PRH1: variants seen among roughly 807,000 people sequenced by gnomAD.
PRH1 encodes the protein salivary acidic proline-rich phosphoprotein 1/2.
In PRH1, 7 loss-of-function variants were observed where a neutral mutation model predicts 7.9. That is an observed-to-expected ratio of 0.89 (90% CI 0.50 to 1.67). The LOEUF is 1.67. PRH1 is among the 40% of genes most tolerant of loss of function. The probability of loss-of-function intolerance (pLI) is 0.00; values close to 1 mark genes in which losing one functional copy is unlikely to be tolerated. For missense variants in PRH1, 109 were observed against 223.6 expected (o/e 0.49, Z 3.27); for synonymous variants, 45 against 80.8 (o/e 0.56, Z 2.38).
intron 2 of PRH1, among the ~76,000 whole-genome samples, chr12:10,961,049 A>G (rs114206867): frequency 0.015 from 2,310 of 152,296 alleles, 21 homozygotes; most frequent in South Asian, 0.031. Flanking sequence ...GGGTTCCATA[A>G]CAGCTATAGG....
At chr12:10,944,607 T>C (rs1950457054) in intron 2 of PRH1, among the ~76,000 whole-genome samples, 1 of 152,162 alleles carries the variant, frequency 6.6e-6, no homozygotes, top group African/African-American at 2.4e-5. Context: ...TGAAAAGAAA[T>C]GGTGACAGAG....
chr12:11,032,039 A>G (rs1942247106), intron 1 of PRH1, among the ~76,000 whole-genome samples: 1 of 152,224 alleles, frequency 6.6e-6, no homozygotes, highest in Non-Finnish European at 1.5e-5. Context: ...TTTATGGAAA[A>G]CATTCTTATT....
intron 2 of PRH1, among the ~76,000 whole-genome samples, chr12:10,970,724 T>C (rs11054115): frequency 0.24 from 36,780 of 151,616 alleles, 4,467 homozygotes; most frequent in Non-Finnish European, 0.25. Flanking sequence ...GCCACCACAA[T>C]CAGCTAATTT....
At chr12:10,971,561 A>G (rs2135951995) in intron 2 of PRH1, among the ~76,000 whole-genome samples, 1 of 152,276 alleles carries the variant, frequency 6.6e-6, no homozygotes, top group East Asian at 1.9e-4. Context: ...AAACACAGTG[A>G]TATTCATGTG....
intron 1 of PRH1, among the ~76,000 whole-genome samples, chr12:11,059,893 G>C (rs979126086): frequency 6.6e-6 from 1 of 151,916 alleles, no homozygotes; most frequent in Non-Finnish European, 1.5e-5. Context: ...TATCATTTTT[G>C]ACCATCTATT....
intron 1 of PRH1, chr12:11,030,851 A>C (rs1942165072): frequency 6.2e-7 from 1 of 1,614,070 alleles, no homozygotes; most frequent in South Asian, 1.1e-5. Flanking sequence ...CTTCCAAGTC[A>C]AGTTTCCTTC....
intron 1 of PRH1, among the ~76,000 whole-genome samples, chr12:11,107,005 C>A (rs904904721): frequency 2.0e-5 from 3 of 151,980 alleles, no homozygotes; most frequent in Admixed American, 2.0e-4. Flanking sequence ...GTGAGACCTT[C>A]TTTTTTGGGG....
At position 11,144,596 on chromosome 12, in the gene PRH1, G is replaced by A. The variant is rs527782884; in HGVS notation, n.40-23416C>T. Among the ~76,000 whole-genome samples the A allele has an allele frequency of 6.6e-5, 10 of 152,314 alleles. 1 individual carries two copies. Among genetic ancestry groups the A allele is most frequent in the African/African-American group, 2.2e-4 (9 of 41,570 alleles). The stretch of plus-strand genomic sequence containing the variant: ...GCATGCCCGATTCACATCCTCCCCC[G>A]AGTTCTGGCCAGGAGGCTTCTTGAC... On this transcript the variant is annotated intron_variant and non_coding_transcript_variant, in intron 1 of 1. Coordinates refer to the PRH1 transcript ENST00000541175.
chr12:11,144,847 T>C (rs1217077913), intron 1 of PRH1, among the ~76,000 whole-genome samples: 10 of 152,208 alleles, frequency 6.6e-5, no homozygotes, highest in African/African-American at 9.6e-5. Context: ...AAACTTCTCC[T>C]GCAAACAGAC....
intron 1 of PRH1, among the ~76,000 whole-genome samples, chr12:11,035,977 T>C (rs1328159845): frequency 3.9e-5 from 6 of 152,170 alleles, no homozygotes; most frequent in African/African-American, 1.4e-4. Context: ...CACTGCAAGC[T>C]CTGTCCCCCG....
chr12:10,963,797 C>A (rs1938370796), intron 2 of PRH1, among the ~76,000 whole-genome samples: 1 of 152,088 alleles, frequency 6.6e-6, no homozygotes, highest in Non-Finnish European at 1.5e-5. Flanking sequence ...AAAATGTATT[C>A]CAAATATATT....
intron 1 of PRH1, chr12:11,133,471 T>C (rs557703824): frequency 5.0e-6 from 8 of 1,614,084 alleles, no homozygotes; most frequent in Admixed American, 3.3e-5. Flanking sequence ...TGAAGACAGG[T>C]TGCTTTTCCA....
At chr12:10,901,529 C>G (rs574602703) in intron 2 of PRH1, among the ~76,000 whole-genome samples, 12 of 152,266 alleles carry the variant, frequency 7.9e-5, no homozygotes, top group African/African-American at 2.6e-4. Flanking sequence ...TCCCCACAAC[C>G]CCCAAGGCTG....
At chr12:10,884,725 T>C (rs143208195), upstream of PRH1, among the ~76,000 whole-genome samples, 6 of 152,294 alleles carry the variant, frequency 3.9e-5, no homozygotes, top group Admixed American at 1.3e-4. Flanking sequence ...TGTGCGTGGA[T>C]ATTTTCACAT....
At chr12:10,898,119 T>C (rs889797329) in intron 2 of PRH1, among the ~76,000 whole-genome samples, 1 of 152,202 alleles carries the variant, frequency 6.6e-6, no homozygotes, top group Non-Finnish European at 1.5e-5. Context: ...ATAAATTTTC[T>C]ATAATTTTTT....
chr12:10,922,825 C>T lies in PRH1; in HGVS notation c.-58-38550G>A, dbSNP rs368367077. ...ATTGCATCTTTTCCATGAATTTTTT[C>T]TTTTTCTTTTTTTTGAGACGGAGTC... On this transcript the variant is annotated intron_variant, in intron 2 of 3. Transcript: ENST00000539853. 7.7e-4 allele frequency among the ~76,000 whole-genome samples: 87 copies of T among 113,512 alleles called. 3 individuals are homozygous for T. Among genetic ancestry groups the T allele is most frequent in the Middle Eastern group, 7.7e-3 (1 of 130 alleles). The allele number at this position is 113,512 out of a possible 152,430, so 74.5% of individuals were successfully genotyped here.
chr12:11,159,100 TA>T (rs1362607216), intron 1 of PRH1: 4 of 152,110 alleles, frequency 2.6e-5, no homozygotes, highest in Non-Finnish European at 4.4e-5. Context: ...TGTGTCTCAC[TA>T]AGGATATAAA....
At chr12:11,116,410 G>GA (rs1215190170), downstream of PRH1, among the ~76,000 whole-genome samples, 1 of 151,776 alleles carries the variant, frequency 6.6e-6, no homozygotes. Flanking sequence ...TCCCACTTTA[G>GA]AAAAAACAAA....
intron 1 of PRH1, among the ~76,000 whole-genome samples, chr12:11,021,121 G>A (rs1941601575): frequency 5.5e-5 from 2 of 36,534 alleles, no homozygotes; most frequent in South Asian, 2.4e-3. Flanking sequence ...CAATTTTATT[G>A]TGTGCATCAT....
Sources: allele counts gnomAD v4.1 joint callset (sites outside exome capture counted in the v4.1 genomes callset), GRCh38; gene constraint gnomAD v4.1.1; transcripts MANE v1.5; gene names NCBI Gene and HGNC (gene_info 2026-07-23, HGNC 2026-07-21).